SHPRH: variants seen among roughly 807,000 people sequenced by gnomAD.
SHPRH encodes E3 ubiquitin-protein ligase SHPRH.
A neutral mutation model predicts 202.5 loss-of-function variants in SHPRH; 106 were observed. That is an observed-to-expected ratio of 0.52 (90% CI 0.45 to 0.62). SHPRH has a LOEUF of 0.62. Ranked by LOEUF, SHPRH falls within the 20% of genes least tolerant of loss-of-function variation. The pLI, the probability that SHPRH is intolerant of heterozygous loss-of-function variation, is 0.00. For synonymous variants in SHPRH, 729 were observed against 686.0 expected (o/e 1.06, Z -0.98); for missense variants, 1,710 against 2,020.0 (o/e 0.85, Z 2.94).
rs1461307169 is a variant in SHPRH, at chr6:145,943,460, T to G, written c.1921A>C (p.Ser641Arg). The stretch of plus-strand genomic sequence containing the variant: ...ATGGTATTAGAAGGTGGTACATCAC[T>G]ATCAGCATGATTTAGAGATTCAGCA... The part of the protein sequence containing the change: ...DCAESLNHAD[S>R]DVPPSNTMSP... The change falls in exon 9 of 30, where the codon AGT becomes CGT. Residue 641 changes from serine to arginine, a missense_variant. Ser to Arg is a moderately radical substitution (Grantham distance 110). Transcript: ENST00000275233. 1 of 1,614,046 alleles carries G rather than the reference T, an allele frequency of 6.2e-7. No homozygotes were observed. The highest frequency in any genetic ancestry group is 1.7e-5 in the Admixed American group (1 of 59,990).
At chr6:145,951,948 A>T (rs1487503438) in intron 3 of SHPRH, 1 of 454,836 alleles carries the variant, frequency 2.2e-6, no homozygotes, top group Non-Finnish European at 4.4e-6. Flanking sequence ...GAGCAAAGTT[A>T]TCTGGTCTTT....
At chr6:145,900,792 G>A (rs1306918737) in intron 25 of SHPRH, among the ~76,000 whole-genome samples, 2 of 152,118 alleles carry the variant, frequency 1.3e-5, no homozygotes, top group Admixed American at 6.6e-5. Context: ...TAAATCTTAC[G>A]TAAATTATTA....
In SHPRH at chr6:145,926,217, C is replaced by T. The variant is rs770118741; in HGVS notation, c.3281G>A (p.Arg1094Gln). The part of the protein sequence containing the change: ...PGIPPTLRDG[R>Q]LEEEAKQLRE... ...AAAAATAATTACCTCTTCCTCAAGT[C>T]GGCCATCACGCAAGGTAGGTGGTAT... Residue 1094 changes from arginine (R) to glutamine (Q), a missense_variant, in exon 16 of 30, where the codon CGA becomes CAA. Coordinates refer to ENST00000275233, the MANE Select transcript of SHPRH (RefSeq NM_001042683.3). 2.4e-5 allele frequency: 39 copies of T among 1,612,592 alleles called. No homozygotes were observed. The East Asian group carries it at 6.7e-4, about 28-fold the overall frequency.
chr6:145,932,986 C>T, intron 14 of SHPRH, 71 bp downstream of exon 14: 1 of 1,494,758 alleles, frequency 6.7e-7, no homozygotes. Context: ...AAATCAAAAT[C>T]TATTTTTTCT....
rs150904088 is a variant in SHPRH at position 145,891,591 on chromosome 6, T to C, written c.4874+1624A>G. Among the ~76,000 whole-genome samples, 794 of 152,284 alleles carry C rather than the reference T, an allele frequency of 5.2e-3. 4 individuals are homozygous for C. The highest frequency in any genetic ancestry group is 0.018 in the African/African-American group (759 of 41,560). On this transcript the variant is annotated intron_variant, in intron 28 of 29. Coordinates refer to ENST00000275233, the MANE Select transcript of SHPRH (RefSeq NM_001042683.3). The stretch of plus-strand genomic sequence containing the variant: ...AAAACAGTGCCTGGCACACAGAAGA[T>C]ACTCAATAAAAATCTACCAAAAAGT...
Position 145,941,839 on chromosome 6 carries a change from T to C in SHPRH, c.2274A>G (p.Gln758=). 1 of 1,613,794 alleles carries C rather than the reference T, an allele frequency of 6.2e-7. No individual in the cohort carries two copies. The highest frequency in any genetic ancestry group is 8.5e-7 in the Non-Finnish European group (1 of 1,179,896). Residue 758 remains glutamine (Q), a synonymous_variant, in exon 10 of 30, where the codon CAA becomes CAG. Transcript: ENST00000275233. The part of the protein sequence containing the change: ...YQGVKKDGFL[Q]PHFLAEQDIV... ...TATCCTGTTCTGCCAAAAAATGAGG[T>C]TGTAAAAAGCCATCTTTCTTCACTC...
At chr6:145,899,161 G>T (rs1348690401) in intron 25 of SHPRH, among the ~76,000 whole-genome samples, 1 of 151,730 alleles carries the variant, frequency 6.6e-6, no homozygotes. Context: ...ATTCTGTTAC[G>T]GCAACATAAA....
At chr6:145,911,603 C>T (rs1158769862) in intron 24 of SHPRH, among the ~76,000 whole-genome samples, 4 of 152,042 alleles carry the variant, frequency 2.6e-5, no homozygotes, top group East Asian at 1.9e-4. Context: ...TAGTTTTAAC[C>T]GTTTTCATCT....
At position 145,888,018 on chromosome 6, in the gene SHPRH, AC is replaced by A; in HGVS notation, c.4955+1del. 6.2e-7 allele frequency: 1 copy of A among 1,607,900 alleles called. No homozygotes were observed. Among genetic ancestry groups the A allele is most frequent in the South Asian group, 1.1e-5 (1 of 90,894 alleles). On this transcript the variant is annotated splice_donor_variant, in intron 29 of 29. Coordinates refer to ENST00000275233, the MANE Select transcript of SHPRH (RefSeq NM_001042683.3). LOFTEE classifies it high-confidence loss of function. The stretch of plus-strand genomic sequence containing the variant: ...TTCTACTTGTGGTAAATTATTACCT[AC>A]CTTCTCTCAGCAGTTTTCAGCATTG...
At position 145,886,586 on chromosome 6, in the gene SHPRH, AAC is replaced by A. The variant is rs1477124398; in HGVS notation, c.*103_*104del. ...CAATAAACAAATTCATTCAACTAGGAACAGTGTTACTGTTATCTACTGGGTTT... is the reference window on the plus strand; with the variant it reads ...CAATAAACAAATTCATTCAACTAGGAAGTGTTACTGTTATCTACTGGGTTT... On this transcript the variant is annotated 3_prime_UTR_variant, in exon 30 of 30. Transcript: ENST00000275233. 2 of 1,529,772 alleles carry A rather than the reference AAC, an allele frequency of 1.3e-6. No individual in the cohort carries two copies. The highest frequency in any genetic ancestry group is 2.1e-5 in the Admixed American group (1 of 46,764). 94.8% of individuals were successfully genotyped at this position (1,529,772 alleles called of 1,614,324 possible).
intron 10 of SHPRH, 112 bp from the exon 11 acceptor site, chr6:145,940,913 G>T: frequency 2.1e-6 from 2 of 943,560 alleles, no homozygotes. Flanking sequence ...CTTCTGGTGA[G>T]ATGTACCTAC....
chr6:145,940,637 A>G (rs1786668140), intron 11 of SHPRH, 86 bp downstream of exon 11: 2 of 1,306,434 alleles, frequency 1.5e-6, no homozygotes, highest in Non-Finnish European at 2.2e-6. Flanking sequence ...TAGGGACTGC[A>G]GCAAAGGTTA....
intron 16 of SHPRH, among the ~76,000 whole-genome samples, chr6:145,925,368 A>ACACACG (rs909521842): frequency 1.3e-5 from 2 of 151,250 alleles, no homozygotes; most frequent in East Asian, 3.9e-4. Context: ...ACACACACAC[A>ACACACG]CATGCATGCA....
In SHPRH at chr6:145,940,716, A is replaced by G; in HGVS notation, c.2569+7T>C. 1 of 1,613,238 alleles carries G rather than the reference A, an allele frequency of 6.2e-7. No individual in the cohort carries two copies. On this transcript the variant is annotated splice_region_variant and intron_variant, in intron 11 of 29. Coordinates refer to ENST00000275233, the MANE Select transcript of SHPRH (RefSeq NM_001042683.3). ...TGCATGCAATATGTGAGGAAACCAT[A>G]CATTACCCTCTAATCCTCTCTGTAC...
At chr6:145,887,630 G>A (rs996078182) in intron 29 of SHPRH, among the ~76,000 whole-genome samples, 3 of 151,390 alleles carry the variant, frequency 2.0e-5, no homozygotes, top group East Asian at 3.9e-4. Context: ...CCACCTCCGG[G>A]GTTCAAGCGA....
At chr6:145,906,756 T>C (rs1482699417) in intron 25 of SHPRH, 1 of 152,144 alleles carries the variant, frequency 6.6e-6, no homozygotes. Context: ...GACTTCCTGC[T>C]CATCCCGCAA....
At chr6:145,911,216 A>T (rs1783462244) in intron 24 of SHPRH, among the ~76,000 whole-genome samples, 2 of 152,080 alleles carry the variant, frequency 1.3e-5, no homozygotes, top group African/African-American at 4.8e-5. Flanking sequence ...GCAACCTTGC[A>T]ACCTCCACCT....
chr6:145,861,520 A>G (rs1562264748), downstream of SHPRH, among the ~76,000 whole-genome samples: 1 of 152,184 alleles, frequency 6.6e-6, no homozygotes, highest in African/African-American at 2.4e-5. Flanking sequence ...TACAGCCACT[A>G]TGGAAAACAA....
At chr6:145,950,738 G>A (rs551586045) in intron 3 of SHPRH, among the ~76,000 whole-genome samples, 3 of 150,920 alleles carry the variant, frequency 2.0e-5, no homozygotes, top group Admixed American at 6.6e-5. Context: ...CTCCTCTGTG[G>A]ATACAGTATT....
Sources: allele counts gnomAD v4.1 joint callset (sites outside exome capture counted in the v4.1 genomes callset), GRCh38; gene constraint gnomAD v4.1.1; transcripts MANE v1.5; gene names NCBI Gene and HGNC (gene_info 2026-07-23, HGNC 2026-07-21).